The following BNC2 variants were observed in gnomAD, a reference collection of about 807,000 sequenced individuals.
The protein encoded by BNC2 is basonuclin zinc finger protein 2.
A neutral mutation model predicts 76.3 loss-of-function variants in BNC2; 20 were observed. That is an observed-to-expected ratio of 0.26 (90% CI 0.18 to 0.38). BNC2 has a LOEUF of 0.38. Among genes scored for constraint, BNC2 ranks in the 10% least tolerant of loss-of-function variants. The pLI, the probability that BNC2 is intolerant of heterozygous loss-of-function variation, is 1.00. For synonymous variants in BNC2, 582 were observed against 514.8 expected, an observed-to-expected ratio of 1.13 and a Z score of -1.77; for missense variants, 1,382 against 1,399.8, an observed-to-expected ratio of 0.99 and a Z score of 0.20.
chr9:16,801,298 G>A (rs1442493959), intron 1 of BNC2, among the ~76,000 whole-genome samples: 1 of 152,132 alleles, frequency 6.6e-6, no homozygotes, highest in Non-Finnish European at 1.5e-5. Context: ...CCAGGCTGGA[G>A]TACAGTGGCG....
intron 3 of BNC2, among the ~76,000 whole-genome samples, chr9:16,723,681 G>A (rs968404427): frequency 6.6e-6 from 1 of 151,956 alleles, no homozygotes; most frequent in African/African-American, 2.4e-5. Flanking sequence ...TCTCTGAAAG[G>A]TGCTAGATTT....
intron 5 of BNC2, among the ~76,000 whole-genome samples, chr9:16,519,805 C>G (rs1409291789): frequency 6.6e-6 from 1 of 152,192 alleles, no homozygotes; most frequent in African/African-American, 2.4e-5. Flanking sequence ...AGTCATACAA[C>G]TGGCAAGAGA....
At chr9:16,485,505 C>CTTT (rs1822145488) in intron 5 of BNC2, among the ~76,000 whole-genome samples, 1 of 152,210 alleles carries the variant, frequency 6.6e-6, no homozygotes, top group Non-Finnish European at 1.5e-5. Flanking sequence ...AGAGACCCAA[C>CTTT]TTTGCATTAA....
chr9:16,834,276 T>A (rs1818651759), intron 1 of BNC2, among the ~76,000 whole-genome samples: 1 of 152,326 alleles, frequency 6.6e-6, no homozygotes, highest in South Asian at 2.1e-4. Context: ...AATAAAAAAT[T>A]CAGTGTTACA....
At chr9:16,612,069 A>C (rs1203965192) in intron 3 of BNC2, among the ~76,000 whole-genome samples, 2 of 151,488 alleles carry the variant, frequency 1.3e-5, no homozygotes, top group Non-Finnish European at 2.9e-5. Context: ...ATAAATAACT[A>C]GAAAACAGAA....
chr9:16,813,135 T>C (rs1056248429), intron 1 of BNC2, among the ~76,000 whole-genome samples: 10 of 151,908 alleles, frequency 6.6e-5, no homozygotes, highest in Admixed American at 5.2e-4. Flanking sequence ...TAGGCCGAGG[T>C]TGCAGTGAGC....
At chr9:16,517,287 C>CT (rs941438979) in intron 5 of BNC2, among the ~76,000 whole-genome samples, 152 of 152,206 alleles carry the variant, frequency 1.0e-3, no homozygotes, top group African/African-American at 3.6e-3. Context: ...AATTTCTTTC[C>CT]TTTTTTAACA....
intron 1 of BNC2, among the ~76,000 whole-genome samples, chr9:16,815,355 G>C (rs1177942013): frequency 6.6e-6 from 1 of 152,192 alleles, no homozygotes; most frequent in Non-Finnish European, 1.5e-5. Context: ...CTGAGCTTTA[G>C]GTAAAATCTC....
intron 1 of BNC2, among the ~76,000 whole-genome samples, chr9:16,816,716 C>T (rs909503017): frequency 8.5e-5 from 13 of 152,258 alleles, no homozygotes; most frequent in African/African-American, 3.1e-4. Context: ...ACATGGATAA[C>T]GTGTGCTTTT....
In BNC2 at chr9:16,779,900, G is replaced by A. The variant is rs117827287; in HGVS notation, c.4-41415C>T. ...GTTTCTTTTCTGAGGTAATAAAAAC[G>A]GTTTAAAATTGAATGTAGTGATAGT... On this transcript the variant is annotated intron_variant, in intron 1 of 6. Coordinates refer to ENST00000380672, the MANE Select transcript of BNC2 (RefSeq NM_017637.6). 3.4e-3 allele frequency among the ~76,000 whole-genome samples: 517 copies of A among 152,208 alleles called. 21 individuals carry two copies. In the East Asian group the frequency reaches 0.088, roughly 26 times the overall value.
chr9:16,829,205 G>C (rs1372252738), intron 1 of BNC2, among the ~76,000 whole-genome samples: 21 of 152,212 alleles, frequency 1.4e-4, no homozygotes, highest in Non-Finnish European at 4.4e-5. Context: ...ACTACAACAT[G>C]AATGCTGAGG....
chr9:16,512,480 A>ATG (rs1554660134), intron 5 of BNC2, among the ~76,000 whole-genome samples: 32 of 140,074 alleles, frequency 2.3e-4, no homozygotes, highest in African/African-American at 9.7e-4. Context: ...AAGGTAACAC[A>ATG]CGCGCACACA....
chr9:16,535,012 GATA>G (rs933782776), intron 5 of BNC2, among the ~76,000 whole-genome samples: 5 of 152,234 alleles, frequency 3.3e-5, no homozygotes, highest in African/African-American at 1.2e-4. Flanking sequence ...TAGATCTGTA[GATA>G]ATAAAATGAT....
At chr9:16,794,444 A>G (rs902848928) in intron 1 of BNC2, among the ~76,000 whole-genome samples, 8 of 152,210 alleles carry the variant, frequency 5.3e-5, no homozygotes, top group Non-Finnish European at 8.8e-5. Context: ...ACCTGGGAAG[A>G]GAGAGGTGGG....
rs578089519 is a variant in BNC2 at position 16,494,441 on chromosome 9, G to A, written c.670-56917C>T. 1.1e-4 allele frequency among the ~76,000 whole-genome samples: 16 copies of A among 152,098 alleles called. No homozygotes were observed. In the East Asian group the frequency reaches 1.2e-3, roughly 11 times the overall value. ...GCTGAGATTACAGGCATGAGCCACCGAGCCCAGCCAGAAAATAATTTTTAA... is the reference window on the plus strand; with the variant it reads ...GCTGAGATTACAGGCATGAGCCACCAAGCCCAGCCAGAAAATAATTTTTAA... On this transcript the variant is annotated intron_variant, in intron 5 of 6. Coordinates refer to ENST00000380672, the MANE Select transcript of BNC2 (RefSeq NM_017637.6).
chr9:16,714,785 C>T (rs930932627), intron 3 of BNC2, among the ~76,000 whole-genome samples: 4 of 152,288 alleles, frequency 2.6e-5, no homozygotes, highest in African/African-American at 9.6e-5. Context: ...AACAGGATGA[C>T]CTTCAATTTG....
At chr9:16,728,972 A>G (rs1824432137) in intron 2 of BNC2, among the ~76,000 whole-genome samples, 1 of 152,198 alleles carries the variant, frequency 6.6e-6, no homozygotes, top group Non-Finnish European at 1.5e-5. Flanking sequence ...GAAAAGAAAA[A>G]GATAAACAAA....
chr9:16,769,354 C>T lies in BNC2; in HGVS notation c.4-30869G>A, dbSNP rs1036462038. Among the ~76,000 whole-genome samples, 5 of 152,162 alleles carry T rather than the reference C, an allele frequency of 3.3e-5. No individual in the cohort carries two copies. In the East Asian group the frequency reaches 7.7e-4, roughly 23 times the overall value. On this transcript the variant is annotated intron_variant, in intron 1 of 6. Coordinates refer to ENST00000380672, the MANE Select transcript of BNC2 (RefSeq NM_017637.6). ...CTAATAAATAACAGAGACATTATCT[C>T]ATTTACTCCTCACAACAACAGGTTA... is the stretch of plus-strand genomic sequence containing the variant.
At chr9:16,665,450 GAAAGA>G (rs1434204789) in intron 3 of BNC2, among the ~76,000 whole-genome samples, 1 of 105,582 alleles carries the variant, frequency 9.5e-6, no homozygotes, top group Non-Finnish European at 1.8e-5. Context: ...AAGAAAGAAA[GAAAGA>G]AAGAAAGAAA....
Sources: gnomAD v4.1 joint callset for allele counts (sites outside exome capture counted in the v4.1 genomes callset) on GRCh38, gnomAD v4.1.1 for gene constraint, MANE v1.5 for transcripts, NCBI Gene and HGNC (gene_info 2026-07-23, HGNC 2026-07-21) for gene names.